The following CEP164 variants were observed in gnomAD, a reference collection of about 807,000 sequenced individuals.
CEP164 encodes centrosomal protein of 164 kDa.
CEP164 carries 162 observed loss-of-function variants against 182.7 expected under a neutral mutation model. That is an observed-to-expected ratio of 0.89 (90% CI 0.78 to 1.01). CEP164 has a LOEUF of 1.01. CEP164 is among the 50% of genes least tolerant of loss of function. The pLI, the probability that CEP164 is intolerant of heterozygous loss-of-function variation, is 0.00. For synonymous variants in CEP164, 661 were observed against 690.0 expected (o/e 0.96, Z 0.66); for missense variants, 1,735 against 1,790.4 (o/e 0.97, Z 0.56).
intron 15 of CEP164, among the ~76,000 whole-genome samples, chr11:117,388,183 C>A (rs1265713104): frequency 6.6e-6 from 1 of 152,058 alleles, no homozygotes; most frequent in Admixed American, 6.5e-5. Flanking sequence ...GCCAGCCCAC[C>A]AGTCTCCTCC....
At chr11:117,343,629 CTTTTTTT>C (rs558296878) in intron 3 of CEP164, among the ~76,000 whole-genome samples, 1 of 129,722 alleles carries the variant, frequency 7.7e-6, no homozygotes, top group Non-Finnish European at 1.6e-5. Context: ...TATTTTTTGC[CTTTTTTT>C]TTTTTTTTTT....
At position 117,395,000 on chromosome 11, in the gene CEP164, C is replaced by G. The variant is rs1168488788; in HGVS notation, c.2841C>G (p.Val947=). ...AGGCCAGATTGGCTCTGCTGGAGGT[C>G]CAGGTGAGGGATCTGCAGGAGTCCT... ...DVKARLALLE[V]QEETARREKQ... is the part of the protein sequence containing the mutation. Residue 947 remains valine (V), a synonymous_variant, in exon 22 of 33, where the codon GTC becomes GTG. Transcript: ENST00000278935. The surrounding 1 kb of genome is among the most constrained non-coding windows in gnomAD (Gnocchi z 4.0). The G allele has an allele frequency of 3.1e-6, 5 of 1,613,858 alleles. No individual in the cohort carries two copies.
intron 1 of CEP164, among the ~76,000 whole-genome samples, chr11:117,333,917 T>G (rs2036615632): frequency 6.6e-6 from 1 of 152,232 alleles, no homozygotes; most frequent in Non-Finnish European, 1.5e-5. Context: ...CTGTGCTGCT[T>G]CTTGCCTCGT....
At chr11:117,356,194 C>A (rs954151362) in intron 5 of CEP164, 1 of 1,069,302 alleles carries the variant, frequency 9.4e-7, no homozygotes, top group South Asian at 2.6e-5. Flanking sequence ...ACATGCAGAG[C>A]CCTGACGAGG....
Position 117,381,719 on chromosome 11 carries a change from AC to A in CEP164, c.1429del (p.His477ThrfsTer116). 6.2e-7 allele frequency: 1 copy of A among 1,610,034 alleles called. No individual in the cohort carries two copies. The highest frequency in any genetic ancestry group is 8.5e-7 in the Non-Finnish European group (1 of 1,178,472). On this transcript the variant is annotated frameshift_variant, in exon 13 of 33. Transcript: ENST00000278935. LOFTEE classifies it high-confidence loss of function. ...LEERLSPPLP[H>X]EERAQSPPRS... ...TGACCAGGTTATCTCCTCCACTTCC[AC>A]ACGAGGAGCGGGCCCAGAGTCCCCC...
chr11:117,396,237 G>A (rs1249309969), intron 25 of CEP164, 57 bp downstream of exon 25: 3 of 1,575,624 alleles, frequency 1.9e-6, no homozygotes, highest in African/African-American at 1.3e-5. Context: ...GGGGCATTGG[G>A]AGGGGCTGGG....
chr11:117,399,653 CCTGA>C (rs1176448286), intron 27 of CEP164, among the ~76,000 whole-genome samples: 1 of 152,210 alleles, frequency 6.6e-6, no homozygotes, highest in African/African-American at 2.4e-5. Context: ...CCTGTTGTTT[CCTGA>C]CTATTTAATG....
chr11:117,328,821 C>CT (rs1407241241), intron 1 of CEP164, among the ~76,000 whole-genome samples: 3 of 152,188 alleles, frequency 2.0e-5, no homozygotes, highest in Admixed American at 2.0e-4. Context: ...GTGGGGCTGC[C>CT]TATTGGACGA....
rs1382653783 is a variant in CEP164 at position 117,411,902 on chromosome 11, A to C, written c.4271A>C (p.Lys1424Thr). 2 of 1,614,130 alleles carry C rather than the reference A, an allele frequency of 1.2e-6. No individual in the cohort carries two copies. Among genetic ancestry groups the C allele is most frequent in the South Asian group, 1.1e-5 (1 of 91,076 alleles). Residue 1424 changes from lysine to threonine, a missense_variant, in exon 32 of 33, where the codon AAG becomes ACG. Coordinates refer to ENST00000278935, the MANE Select transcript of CEP164 (RefSeq NM_014956.5). This position sits in a 1 kb window ranked among gnomAD's most constrained non-coding sequence, Gnocchi z 4.4. Reference protein sequence around the residue: ...EANRRWLERVKNDPRLPLFSS... With the variant: ...EANRRWLERVTNDPRLPLFSS... ...AACCGGAGGTGGCTGGAACGTGTCA[A>C]GAATGACCCCAGGTTGTATCCTTTT... is the stretch of plus-strand genomic sequence containing the variant.
In CEP164 at chr11:117,336,660, G is replaced by A. The variant is rs756705295; in HGVS notation, c.-22+980G>A. On this transcript the variant is annotated intron_variant, in intron 2 of 32. Transcript: ENST00000278935. ...TAGGTGTGTCCTCCAGCCTTTCCAC[G>A]GCTGCCTGGGCTTGATGCGTTCTAC... is the stretch of plus-strand genomic sequence containing the variant. 190 of 963,068 alleles carry A rather than the reference G, an allele frequency of 2.0e-4. 1 individual carries two copies. The highest frequency in any genetic ancestry group is 3.0e-4 in the Non-Finnish European group (178 of 592,256). 59.7% of individuals were successfully genotyped at this position (963,068 alleles called of 1,614,324 possible). A position where few individuals can be genotyped will look rare whatever the true frequency, so the allele number is the denominator to read the frequency against.
At chr11:117,404,827 G>A (rs1197144550) in intron 27 of CEP164, among the ~76,000 whole-genome samples, 1 of 152,230 alleles carries the variant, frequency 6.6e-6, no homozygotes, top group Non-Finnish European at 1.5e-5. Context: ...TGGGGCTGCT[G>A]CCTTTCTTTC....
chr11:117,373,878 T>C, intron 10 of CEP164, 47 bp downstream of exon 10: 1 of 1,531,658 alleles, frequency 6.5e-7, no homozygotes, highest in Non-Finnish European at 9.0e-7. Context: ...GAGCATAGAT[T>C]TGTGAGCCTC....
intron 13 of CEP164, among the ~76,000 whole-genome samples, chr11:117,382,333 G>A (rs1286144584): frequency 6.6e-6 from 1 of 152,182 alleles, no homozygotes; most frequent in Admixed American, 6.5e-5. Flanking sequence ...GCCCTGTTAT[G>A]TGCTCGGCCC....
Position 117,391,343 on chromosome 11 carries a change from T to A in CEP164, c.2283+128T>A, listed in dbSNP as rs935054370. 4.9e-6 allele frequency: 4 copies of A among 815,498 alleles called. No homozygotes were observed. In the African/African-American group the frequency reaches 5.1e-5, roughly 10 times the overall value. The allele number at this position is 815,498 out of a possible 1,614,324, so 50.5% of individuals were successfully genotyped here. ...GCAGGCTGGGGAGCCAGGTGGAGAG[T>A]AGGTCTCACACACACAGGCATGGGA... On this transcript the variant is annotated intron_variant, in intron 17 of 32. Coordinates refer to ENST00000278935, the MANE Select transcript of CEP164 (RefSeq NM_014956.5).
In CEP164 at chr11:117,355,067, G is replaced by A. The variant is rs956648431; in HGVS notation, c.393+3079G>A. The A allele has an allele frequency of 1.2e-5, 16 of 1,289,778 alleles. No individual in the cohort carries two copies. The East Asian group carries it at 3.3e-4, about 27-fold the overall frequency. 79.9% of individuals were successfully genotyped at this position (1,289,778 alleles called of 1,614,324 possible). A position where few individuals can be genotyped will look rare whatever the true frequency, so the allele number is the denominator to read the frequency against. On this transcript the variant is annotated intron_variant, in intron 5 of 32. Coordinates refer to ENST00000278935, the MANE Select transcript of CEP164 (RefSeq NM_014956.5). ...TATAAGTGAGGGATCCTATAACAAA[G>A]GAAAGAGCCCAGGCATGCTGGGTGA...
chr11:117,380,828 C>G, intron 12 of CEP164, 123 bp downstream of exon 12: 1 of 838,132 alleles, frequency 1.2e-6, no homozygotes, highest in East Asian at 2.7e-5. Context: ...AGGTGATGAA[C>G]TGGCTGGATG....
chr11:117,348,301 A>G (rs958444966), intron 4 of CEP164, among the ~76,000 whole-genome samples: 4 of 152,162 alleles, frequency 2.6e-5, no homozygotes, highest in Admixed American at 1.3e-4. Flanking sequence ...AAAATTGTCA[A>G]TTAAAAAAAA....
chr11:117,386,820 G>A (rs971186398), intron 14 of CEP164: 2 of 213,366 alleles, frequency 9.4e-6, no homozygotes, highest in Admixed American at 5.2e-5. Flanking sequence ...GAGCTCTAGC[G>A]GGGAGGTGGT....
intron 14 of CEP164, chr11:117,385,789 T>C (rs973539231): frequency 1.3e-5 from 2 of 151,738 alleles, no homozygotes; most frequent in African/African-American, 2.4e-5. Context: ...GAAGATGGAG[T>C]TGGGAGCAGA....
Sources: gnomAD v4.1 joint callset for allele counts (sites outside exome capture counted in the v4.1 genomes callset) on GRCh38, gnomAD v4.1.1 for gene constraint, Gnocchi (gnomAD v3.1) non-coding constraint, MANE v1.5 for transcripts, NCBI Gene and HGNC (gene_info 2026-07-23, HGNC 2026-07-21) for gene names.